The following DNAI2 variants were observed in gnomAD, a reference collection of about 807,000 sequenced individuals.
DNAI2 encodes the protein dynein axonemal intermediate chain 2.
A neutral mutation model predicts 74.7 loss-of-function variants in DNAI2; 63 were observed. That is an observed-to-expected ratio of 0.84 (90% CI 0.69 to 1.04). DNAI2 has a LOEUF of 1.04. DNAI2 is among the 50% of genes least tolerant of loss of function. DNAI2 has a pLI of 0.00. For synonymous variants in DNAI2, 289 were observed against 314.9 expected, an observed-to-expected ratio of 0.92 and a Z score of 0.87; for missense variants, 688 against 803.2, an observed-to-expected ratio of 0.86 and a Z score of 1.73.
chr17:74,312,108 G>A lies in DNAI2; in HGVS notation c.1600G>A (p.Asp534Asn), dbSNP rs538543314. The A allele has an allele frequency of 4.6e-5, 74 of 1,613,690 alleles. No homozygotes were observed. The highest frequency in any genetic ancestry group is 5.4e-5 in the Non-Finnish European group (64 of 1,179,956). Residue 534 changes from aspartate (D) to asparagine (N), a missense_variant, in exon 12 of 14, where the codon GAT becomes AAT. Asp to Asn is a conservative substitution (Grantham distance 23). Transcript: ENST00000311014. ...KAEGRDEEQT[D>N]EELAVDLEAL... ...GGAGGGCAGGGATGAGGAGCAGACC[G>A]ATGAGGAGCTGGCCGTAGACCTGGA...
At chr17:74,281,327 C>T (rs977402199) in intron 1 of DNAI2, among the ~76,000 whole-genome samples, 3 of 150,660 alleles carry the variant, frequency 2.0e-5, no homozygotes, top group African/African-American at 4.9e-5. Flanking sequence ...GGTGTGATCT[C>T]GGCTCACTGC....
At chr17:74,284,498 T>C (rs1380834324) in intron 2 of DNAI2, among the ~76,000 whole-genome samples, 1 of 151,938 alleles carries the variant, frequency 6.6e-6, no homozygotes, top group Non-Finnish European at 1.5e-5. Flanking sequence ...CTGCAACCTC[T>C]GCCTCCCAGG....
At position 74,305,330 on chromosome 17, in the gene DNAI2, A is replaced by G. The variant is rs2053122528; in HGVS notation, c.1099A>G (p.Ile367Val). The change falls in exon 9 of 14, where the codon ATC (isoleucine) becomes GTC (valine). Residue 367 changes from isoleucine (I) to valine (V), a missense_variant. Coordinates refer to ENST00000311014, the MANE Select transcript of DNAI2 (RefSeq NM_023036.6). ...VCTFPGHHGP[I>V]YALQRNPFYP... Reference sequence around the variant, plus strand: ...CACCTTCCCGGGCCATCATGGCCCCATCTACGCCCTCCAGAGAAACCCCTT... The same window carrying G: ...CACCTTCCCGGGCCATCATGGCCCCGTCTACGCCCTCCAGAGAAACCCCTT... 6.2e-7 allele frequency: 1 copy of G among 1,614,196 alleles called. No homozygotes were observed. The highest frequency in any genetic ancestry group is 8.5e-7 in the Non-Finnish European group (1 of 1,180,024).
chr17:74,275,744 G>GCC (rs2143829185), intron 1 of DNAI2, among the ~76,000 whole-genome samples: 1 of 151,586 alleles, frequency 6.6e-6, no homozygotes, highest in African/African-American at 2.4e-5. Context: ...AAAAAAATTA[G>GCC]CCGAGTGTGG....
chr17:74,311,525 A>T lies in DNAI2; in HGVS notation c.1495-478A>T, dbSNP rs535849333. Among the ~76,000 whole-genome samples the T allele has an allele frequency of 1.4e-3, 219 of 152,330 alleles. 2 individuals carry two copies. The highest frequency in any genetic ancestry group is 5.1e-3 in the African/African-American group (211 of 41,578). ...CTCCTTGAGAGGCTGAGGCAGGAGA[A>T]TTGCTTGAACGTGGGAAGCAGAGGT... On this transcript the variant is annotated intron_variant, in intron 11 of 13. Transcript: ENST00000311014.
Position 74,285,121 on chromosome 17 carries a change from G to A in DNAI2, c.265G>A (p.Glu89Lys), listed in dbSNP as rs1200979339. The change falls in exon 3 of 14, where the codon GAG becomes AAG. Residue 89 changes from glutamate to lysine, a missense_variant. Coordinates refer to ENST00000311014, the MANE Select transcript of DNAI2 (RefSeq NM_023036.6). ...GGWPKDVNPL[E>K]LEQTIRFRKK... The stretch of plus-strand genomic sequence containing the variant: ...CTGGCCCAAGGACGTGAACCCCCTG[G>A]AGCTGGAGCAGACCATCCGTTTCCG... The A allele has an allele frequency of 2.5e-6, 4 of 1,614,246 alleles. No individual in the cohort carries two copies. The highest frequency in any genetic ancestry group is 2.5e-6 in the Non-Finnish European group (3 of 1,180,040).
chr17:74,309,436 G>T lies in DNAI2; in HGVS notation c.1347+48G>T, dbSNP rs542494591. On this transcript the variant is annotated intron_variant, in intron 10 of 13. Coordinates refer to ENST00000311014, the MANE Select transcript of DNAI2 (RefSeq NM_023036.6). ...TGCATCCAGGTCCTCAGGGAGCCAG[G>T]TCCCGGCGTGGGTGTGAGTGTGGGG... is the stretch of plus-strand genomic sequence containing the variant. 25 of 1,613,362 alleles carry T rather than the reference G, an allele frequency of 1.5e-5. No individual in the cohort carries two copies. The African/African-American group carries it at 2.3e-4, about 15-fold the overall frequency.
chr17:74,306,394 C>A (rs1343428646), intron 9 of DNAI2, among the ~76,000 whole-genome samples: 1 of 152,142 alleles, frequency 6.6e-6, no homozygotes, highest in Admixed American at 6.6e-5. Context: ...CTAACCACCC[C>A]CTTGAGTCAT....
chr17:74,298,032 C>A (rs957233037), intron 6 of DNAI2, among the ~76,000 whole-genome samples: 6 of 152,206 alleles, frequency 3.9e-5, no homozygotes, highest in African/African-American at 1.4e-4. Context: ...TAGACCCGGG[C>A]TCCCATAAAC....
chr17:74,312,253 G>T, intron 12 of DNAI2, 23 bp downstream of exon 12: 2 of 565,992 alleles, frequency 3.5e-6, no homozygotes, highest in South Asian at 1.5e-5. Flanking sequence ...ACAGGGGTTG[G>T]GTGGGTTGGG....
At chr17:74,304,241 C>T (rs1346193976) in intron 8 of DNAI2, among the ~76,000 whole-genome samples, 1 of 111,282 alleles carries the variant, frequency 9.0e-6, no homozygotes, top group African/African-American at 3.5e-5. Context: ...GTAGGCCAGG[C>T]TGGAGTGCAG....
In DNAI2 at chr17:74,281,803, C is replaced by T. The variant is rs754710939; in HGVS notation, c.-11-4C>T. The T allele has an allele frequency of 5.1e-5, 83 of 1,613,350 alleles. No individual in the cohort carries two copies. The South Asian group carries it at 8.8e-4, about 17-fold the overall frequency. On this transcript the variant is annotated splice_region_variant and splice_polypyrimidine_tract_variant and intron_variant, in intron 1 of 13. Transcript: ENST00000311014. ...TCACCCCACACCCTCCCTCTGCCCC[C>T]CAGCAGCCGGCACCATGGAGATTGT...
rs576683556 is a variant in DNAI2, at chr17:74,291,094, T to G, written c.685T>G (p.Ser229Ala). The G allele has an allele frequency of 1.3e-4, 207 of 1,614,158 alleles. 1 individual carries two copies. The South Asian group carries it at 2.2e-3, about 17-fold the overall frequency. ...LVTLEFNPKD[S>A]HVLLGGCYNG... ...GACGTTGGAGTTCAACCCCAAAGAT[T>G]CCCACGTACTCCTGGGTGGCTGCTA... The change falls in exon 6 of 14, where the codon TCC becomes GCC. Residue 229 changes from serine to alanine, a missense_variant. Coordinates refer to ENST00000311014, the MANE Select transcript of DNAI2 (RefSeq NM_023036.6).
At chr17:74,313,651 G>A (rs62063570) in intron 12 of DNAI2, among the ~76,000 whole-genome samples, 15,256 of 152,224 alleles carry the variant, frequency 0.1, 857 homozygotes, top group Middle Eastern at 0.17. Context: ...ACAGAACTTG[G>A]CCCCTTCCTC....
chr17:74,291,794 T>G (rs1214255005), intron 6 of DNAI2, among the ~76,000 whole-genome samples: 1 of 152,140 alleles, frequency 6.6e-6, no homozygotes, highest in Non-Finnish European at 1.5e-5. Context: ...TGCTAACGGA[T>G]ATGGGTAATA....
intron 1 of DNAI2, among the ~76,000 whole-genome samples, chr17:74,276,085 C>T (rs111447064): frequency 4.6e-5 from 7 of 152,226 alleles, no homozygotes; most frequent in East Asian, 3.9e-4. Context: ...CAGTCTCCCA[C>T]GCTGACACTC....
At chr17:74,286,914 A>G in intron 3 of DNAI2, 63 bp from the exon 4 acceptor site, 1 of 1,609,596 alleles carries the variant, frequency 6.2e-7, no homozygotes, top group Non-Finnish European at 8.5e-7. Context: ...ACTCCATTGC[A>G]GGCCTGGGCA....
chr17:74,308,713 G>A (rs574472604), intron 9 of DNAI2, among the ~76,000 whole-genome samples: 1 of 151,878 alleles, frequency 6.6e-6, no homozygotes, highest in South Asian at 2.1e-4. Flanking sequence ...GTAGAAACAG[G>A]GTCTTTCCAT....
At chr17:74,314,390 C>G in intron 13 of DNAI2, 119 bp downstream of exon 13, 6 of 1,323,778 alleles carry the variant, frequency 4.5e-6, no homozygotes, top group Non-Finnish European at 6.4e-6. Flanking sequence ...CCCCCACTGA[C>G]TCACTGGGCA....
Sources: gnomAD v4.1 joint callset for allele counts (sites outside exome capture counted in the v4.1 genomes callset) on GRCh38, gnomAD v4.1.1 for gene constraint, MANE v1.5 for transcripts, NCBI Gene and HGNC (gene_info 2026-07-23, HGNC 2026-07-21) for gene names.